KHDRBS2: variants seen among roughly 807,000 people sequenced by gnomAD.
KHDRBS2 encodes KH domain-containing, RNA-binding, signal transduction-associated protein 2.
Under a neutral mutation model 44.3 loss-of-function variants are expected in KHDRBS2, and 26 were observed. The observed-to-expected ratio is 0.59, with a 90% CI of 0.43 to 0.81. The LOEUF is 0.81. Ranked by LOEUF, KHDRBS2 falls within the 40% of genes least tolerant of loss-of-function variation. KHDRBS2 has a pLI of 0.00. For missense variants in KHDRBS2, 476 were observed against 433.1 expected, an observed-to-expected ratio of 1.10 and a Z score of -0.88; for synonymous variants, 194 against 151.1, an observed-to-expected ratio of 1.28 and a Z score of -2.08.
At chr6:61,761,393 T>G (rs1043858389) in intron 6 of KHDRBS2, among the ~76,000 whole-genome samples, 4 of 152,204 alleles carry the variant, frequency 2.6e-5, no homozygotes, top group African/African-American at 9.6e-5. Context: ...ACACAGTATT[T>G]GTTTATATTT....
chr6:61,953,543 A>C (rs1765221958), intron 4 of KHDRBS2, among the ~76,000 whole-genome samples: 1 of 152,120 alleles, frequency 6.6e-6, no homozygotes, highest in Non-Finnish European at 1.5e-5. Context: ...TAGCATTTTG[A>C]CATAGCTGCT....
intron 4 of KHDRBS2, among the ~76,000 whole-genome samples, chr6:61,936,712 C>T (rs951261544): frequency 1.3e-5 from 2 of 151,878 alleles, no homozygotes; most frequent in African/African-American, 2.4e-5. Flanking sequence ...ACTTGAATGA[C>T]AATTTAGTTT....
intron 1 of KHDRBS2, among the ~76,000 whole-genome samples, chr6:62,245,154 T>A (rs1434089643): frequency 6.6e-6 from 1 of 152,154 alleles, no homozygotes; most frequent in Non-Finnish European, 1.5e-5. Flanking sequence ...AAATCAAAAA[T>A]GTTCTTCATC....
chr6:61,718,467 G>A (rs1368938845), intron 7 of KHDRBS2, among the ~76,000 whole-genome samples: 2 of 152,070 alleles, frequency 1.3e-5, no homozygotes, highest in Admixed American at 1.3e-4. Flanking sequence ...TAGATGTTGT[G>A]CTGGATCTTT....
chr6:61,989,152 C>A (rs1304951653), intron 3 of KHDRBS2, among the ~76,000 whole-genome samples: 1 of 152,148 alleles, frequency 6.6e-6, no homozygotes, highest in African/African-American at 2.4e-5. Flanking sequence ...TAAGTGCTTT[C>A]TCCTCCTTTT....
intron 6 of KHDRBS2, among the ~76,000 whole-genome samples, chr6:61,845,267 T>A (rs1464796677): frequency 6.6e-6 from 1 of 151,598 alleles, no homozygotes; most frequent in African/African-American, 2.4e-5. Flanking sequence ...GCAGAGGTCC[T>A]CACTACCCAG....
At chr6:62,222,710 T>C (rs1831110626) in intron 1 of KHDRBS2, among the ~76,000 whole-genome samples, 1 of 152,100 alleles carries the variant, frequency 6.6e-6, no homozygotes, top group African/African-American at 2.4e-5. Context: ...CTGTTCTAAA[T>C]AAGAGAAATT....
chr6:62,048,444 A>G (rs1408006319), intron 2 of KHDRBS2, among the ~76,000 whole-genome samples: 1 of 151,914 alleles, frequency 6.6e-6, no homozygotes. Flanking sequence ...TCGATGCTTT[A>G]AATTAGTATC....
chr6:61,925,811 C>T (rs1172160333), intron 4 of KHDRBS2, among the ~76,000 whole-genome samples: 1 of 150,974 alleles, frequency 6.6e-6, no homozygotes, highest in African/African-American at 2.4e-5. Flanking sequence ...TTACATAGAA[C>T]TTTTATTGAA....
intron 4 of KHDRBS2, among the ~76,000 whole-genome samples, chr6:61,929,896 A>G (rs1346587521): frequency 6.6e-6 from 1 of 152,160 alleles, no homozygotes; most frequent in Non-Finnish European, 1.5e-5. Flanking sequence ...ATACATAATC[A>G]CAACTATTTT....
intron 4 of KHDRBS2, among the ~76,000 whole-genome samples, chr6:61,916,379 C>T (rs1179966272): frequency 6.6e-6 from 1 of 151,932 alleles, no homozygotes; most frequent in Non-Finnish European, 1.5e-5. Context: ...GATATCTCAA[C>T]CTTTGTTTTA....
chr6:61,862,308 A>C (rs1226116868), intron 6 of KHDRBS2, among the ~76,000 whole-genome samples: 2 of 151,926 alleles, frequency 1.3e-5, no homozygotes, highest in African/African-American at 4.8e-5. Context: ...TATACCCTTT[A>C]TTTCTTTCTC....
At position 62,246,850 on chromosome 6, in the gene KHDRBS2, T is replaced by C. The variant is rs1487841135; in HGVS notation, c.91+39008A>G. On this transcript the variant is annotated intron_variant, in intron 1 of 8. Coordinates refer to ENST00000281156, the MANE Select transcript of KHDRBS2 (RefSeq NM_152688.4). ...TAATTTTTTAAAAGAAACTAAAATT[T>C]AGCAAGTAAATCATAAAAAGTAGTA... is the stretch of plus-strand genomic sequence containing the variant. 2.6e-5 allele frequency among the ~76,000 whole-genome samples: 4 copies of C among 152,014 alleles called. No individual in the cohort carries two copies. In the East Asian group the frequency reaches 7.7e-4, roughly 29 times the overall value.
chr6:62,085,374 T>G (rs1203524258), intron 2 of KHDRBS2, among the ~76,000 whole-genome samples: 1 of 151,946 alleles, frequency 6.6e-6, no homozygotes, highest in African/African-American at 2.4e-5. Context: ...CTGAGAATCA[T>G]TAAAATATGG....
intron 2 of KHDRBS2, among the ~76,000 whole-genome samples, chr6:62,054,933 GC>G (rs1789922320): frequency 6.6e-6 from 1 of 151,992 alleles, no homozygotes; most frequent in South Asian, 2.1e-4. Flanking sequence ...GTAATATATA[GC>G]ATAATAGGCT....
intron 1 of KHDRBS2, among the ~76,000 whole-genome samples, chr6:62,223,212 T>C (rs1349839455): frequency 1.3e-5 from 2 of 152,216 alleles, no homozygotes; most frequent in Non-Finnish European, 2.9e-5. Context: ...AATTCTAGAC[T>C]TCTGTGCACT....
At chr6:62,079,715 A>T (rs537322078) in intron 2 of KHDRBS2, among the ~76,000 whole-genome samples, 1 of 152,092 alleles carries the variant, frequency 6.6e-6, no homozygotes, top group Non-Finnish European at 1.5e-5. Context: ...ATCTAATATA[A>T]TTAGAGAAAT....
At chr6:61,910,694 CA>C (rs1365188170) in intron 4 of KHDRBS2, among the ~76,000 whole-genome samples, 1 of 152,076 alleles carries the variant, frequency 6.6e-6, no homozygotes, top group Non-Finnish European at 1.5e-5. Flanking sequence ...GAATGAGCAA[CA>C]AAAAACTTAC....
At chr6:61,703,347 T>C (rs1234324892) in intron 7 of KHDRBS2, among the ~76,000 whole-genome samples, 1 of 151,868 alleles carries the variant, frequency 6.6e-6, no homozygotes, top group African/African-American at 2.4e-5. Context: ...TTGATATACA[T>C]GGTGAAATGG....
Sources: allele counts gnomAD v4.1 joint callset (sites outside exome capture counted in the v4.1 genomes callset), GRCh38; gene constraint gnomAD v4.1.1; transcripts MANE v1.5; gene names NCBI Gene and HGNC (gene_info 2026-07-23, HGNC 2026-07-21).